MTUS2: variants seen among roughly 807,000 people sequenced by gnomAD.
MTUS2 encodes the protein microtubule associated scaffold protein 2, also known as microtubule-associated tumor suppressor candidate 2.
A neutral mutation model predicts 114.1 loss-of-function variants in MTUS2; 40 were observed. The observed-to-expected ratio is 0.35, with a 90% CI of 0.27 to 0.46. The LOEUF is 0.46. Among genes scored for constraint, MTUS2 ranks in the 20% least tolerant of loss-of-function variants. MTUS2 has a pLI of 1.00. For missense variants in MTUS2, 1,679 were observed against 1,705.4 expected, an observed-to-expected ratio of 0.98 and a Z score of 0.27; for synonymous variants, 688 against 672.0, an observed-to-expected ratio of 1.02 and a Z score of -0.37.
At chr13:29,376,086 G>A (rs1031635302) in intron 8 of MTUS2, among the ~76,000 whole-genome samples, 1 of 151,852 alleles carries the variant, frequency 6.6e-6, no homozygotes, top group African/African-American at 2.4e-5. Flanking sequence ...TTTATTTAAT[G>A]GGAAATGATA....
intron 5 of MTUS2, among the ~76,000 whole-genome samples, chr13:29,180,638 C>T (rs1025406574): frequency 6.6e-6 from 1 of 152,148 alleles, no homozygotes; most frequent in Non-Finnish European, 1.5e-5. Context: ...AAGGTTTATC[C>T]AAACTTATTG....
intron 2 of MTUS2, among the ~76,000 whole-genome samples, chr13:28,945,767 G>T (rs184371974): frequency 4.8e-4 from 73 of 152,192 alleles, no homozygotes; most frequent in Admixed American, 2.2e-3. Flanking sequence ...TACTCCATAG[G>T]TTGTCTCTTC....
chr13:29,281,576 C>A, intron 5 of MTUS2, 128 bp from the exon 6 acceptor site: 2 of 979,688 alleles, frequency 2.0e-6, no homozygotes, highest in Non-Finnish European at 3.0e-6. Context: ...TTTTCAAGGT[C>A]ACTCACTAAG....
intron 4 of MTUS2, among the ~76,000 whole-genome samples, chr13:29,094,815 T>G (rs1322645469): frequency 6.6e-6 from 1 of 152,112 alleles, no homozygotes; most frequent in Non-Finnish European, 1.5e-5. Context: ...TGTAGGCATT[T>G]ACAGTTATAA....
chr13:29,060,950 G>A lies in MTUS2; in HGVS notation c.2446+26825G>A, dbSNP rs189102525. ...TGAGTAGCTGGGACTACATGTGCCC[G>A]CCACCACGCCTGGCTAATTTTTGTA... On this transcript the variant is annotated intron_variant, in intron 4 of 15. Transcript: ENST00000612955. Among the ~76,000 whole-genome samples the A allele has an allele frequency of 4.9e-3, 742 of 151,736 alleles. 3 individuals carry two copies. Among genetic ancestry groups the A allele is most frequent in the Non-Finnish European group, 7.7e-3 (520 of 67,908 alleles).
chr13:28,971,516 C>T (rs887996624), intron 2 of MTUS2, among the ~76,000 whole-genome samples: 1 of 151,968 alleles, frequency 6.6e-6, no homozygotes, highest in African/African-American at 2.4e-5. Context: ...AATACTATAC[C>T]CATTAGGACT....
chr13:29,495,144 A>G (rs1882447155), intron 12 of MTUS2, among the ~76,000 whole-genome samples: 1 of 139,180 alleles, frequency 7.2e-6, no homozygotes, highest in South Asian at 2.3e-4. Context: ...TGATCGCGCC[A>G]CTGCACTCCA....
chr13:29,318,942 T>C (rs1219855148), intron 6 of MTUS2, among the ~76,000 whole-genome samples: 1 of 152,166 alleles, frequency 6.6e-6, no homozygotes, highest in Non-Finnish European at 1.5e-5. Flanking sequence ...CAAATTAAAC[T>C]TAAGGGCTTC....
intron 8 of MTUS2, among the ~76,000 whole-genome samples, chr13:29,436,966 G>A (rs1025543698): frequency 6.6e-6 from 1 of 152,148 alleles, no homozygotes; most frequent in Non-Finnish European, 1.5e-5. Flanking sequence ...GTCTTCATCA[G>A]CAGTCTCCCT....
chr13:29,360,786 G>A (rs4368032), intron 8 of MTUS2, among the ~76,000 whole-genome samples: 94,089 of 149,876 alleles, frequency 0.63, 30,218 homozygotes, highest in South Asian at 0.75. Context: ...TTGTAATTAG[G>A]GAAGGTGATT....
intron 6 of MTUS2, among the ~76,000 whole-genome samples, chr13:29,299,811 T>C (rs1899114863): frequency 6.6e-6 from 1 of 152,078 alleles, no homozygotes; most frequent in Non-Finnish European, 1.5e-5. Flanking sequence ...CCCATTTTTT[T>C]CCAAGCCCTC....
intron 6 of MTUS2, among the ~76,000 whole-genome samples, chr13:29,305,964 A>G (rs1593283181): frequency 2.0e-5 from 3 of 152,220 alleles, no homozygotes; most frequent in Non-Finnish European, 4.4e-5. Flanking sequence ...TCATCCCAGG[A>G]TGCAAGGTTG....
At chr13:29,421,349 C>T (rs1876095394) in intron 8 of MTUS2, among the ~76,000 whole-genome samples, 1 of 152,124 alleles carries the variant, frequency 6.6e-6, no homozygotes, top group Non-Finnish European at 1.5e-5. Flanking sequence ...ATGGAGGAAC[C>T]CAAATAAACA....
intron 7 of MTUS2, among the ~76,000 whole-genome samples, chr13:29,354,825 A>T (rs1217746411): frequency 6.6e-6 from 1 of 152,214 alleles, no homozygotes; most frequent in Non-Finnish European, 1.5e-5. Flanking sequence ...TTTTTGAAAT[A>T]AATTTAGATT....
At chr13:28,873,432 CATAA>C (rs1482321674) in intron 2 of MTUS2, among the ~76,000 whole-genome samples, 1 of 152,196 alleles carries the variant, frequency 6.6e-6, no homozygotes, top group East Asian at 1.9e-4. Flanking sequence ...TAAAGGGTGT[CATAA>C]ATATCCAAAT....
chr13:29,147,734 C>A (rs936234295), intron 5 of MTUS2, among the ~76,000 whole-genome samples: 2 of 152,128 alleles, frequency 1.3e-5, no homozygotes, highest in African/African-American at 4.8e-5. Context: ...ATAATGGCCT[C>A]CTGCTGCCTC....
intron 5 of MTUS2, among the ~76,000 whole-genome samples, chr13:29,213,089 C>T (rs1431244923): frequency 6.6e-6 from 1 of 152,156 alleles, no homozygotes; most frequent in African/African-American, 2.4e-5. Flanking sequence ...GGGATCAAAA[C>T]CAAATGTTAG....
chr13:29,310,564 G>A (rs1383982968), intron 6 of MTUS2, among the ~76,000 whole-genome samples: 1 of 151,876 alleles, frequency 6.6e-6, no homozygotes, highest in Admixed American at 6.6e-5. Context: ...CAAAAAGGCA[G>A]ACAAAAAAGG....
At chr13:29,262,406 G>GT (rs1172768849) in intron 5 of MTUS2, among the ~76,000 whole-genome samples, 1 of 151,740 alleles carries the variant, frequency 6.6e-6, no homozygotes, top group Non-Finnish European at 1.5e-5. Context: ...TATTTCCCCT[G>GT]TTTCCTGAAA....
Sources: gnomAD v4.1 joint callset for allele counts (sites outside exome capture counted in the v4.1 genomes callset) on GRCh38, gnomAD v4.1.1 for gene constraint, MANE v1.5 for transcripts, NCBI Gene and HGNC (gene_info 2026-07-23, HGNC 2026-07-21) for gene names.